RBFOX1: variants seen among roughly 807,000 people sequenced by gnomAD.
RBFOX1 encodes the protein RNA binding protein fox-1 homolog 1.
Under a neutral mutation model 57.7 loss-of-function variants are expected in RBFOX1, and 8 were observed. The observed-to-expected ratio is 0.14, with a 90% CI of 0.08 to 0.25. The LOEUF is 0.25. Among genes scored for constraint, RBFOX1 ranks in the 10% least tolerant of loss-of-function variants. The pLI is 1.00. For missense variants in RBFOX1, 611 were observed against 548.5 expected, an observed-to-expected ratio of 1.11 and a Z score of -1.14; for synonymous variants, 326 against 222.4, an observed-to-expected ratio of 1.47 and a Z score of -4.15.
intron 14 of RBFOX1, among the ~76,000 whole-genome samples, chr16:7,685,400 C>G (rs775731690): frequency 6.6e-6 from 1 of 152,084 alleles, no homozygotes; most frequent in East Asian, 1.9e-4. Context: ...CCAAAAGATC[C>G]GTGGACGGAA....
At chr16:7,506,184 C>CAAAAAAAAAAAAAAAAAAAAAAA (rs552568132) in intron 4 of RBFOX1, among the ~76,000 whole-genome samples, 1 of 49,944 alleles carries the variant, frequency 2.0e-5, no homozygotes, top group Non-Finnish European at 3.4e-5. Context: ...GACTCTGTCT[C>CAAAAAAAAAAAAAAAAAAAAAAA]AAAAAAAAAA....
At chr16:6,767,941 T>G (rs202198377) in intron 3 of RBFOX1, among the ~76,000 whole-genome samples, 8,050 of 83,554 alleles carry the variant, frequency 0.096, 283 homozygotes, top group African/African-American at 0.22. Context: ...ATAATAATAA[T>G]AATAATAAGA....
chr16:6,233,176 G>A (rs2097478621), intron 1 of RBFOX1, among the ~76,000 whole-genome samples: 1 of 152,146 alleles, frequency 6.6e-6, no homozygotes, highest in African/African-American at 2.4e-5. Flanking sequence ...ATTGTGATTG[G>A]GTTTGGAATT....
chr16:7,539,229 A>G (rs1507025), intron 5 of RBFOX1, among the ~76,000 whole-genome samples: 46,503 of 151,988 alleles, frequency 0.31, 9,274 homozygotes, highest in East Asian at 0.58. Flanking sequence ...GAGAAGATTA[A>G]GGAGGGAGGG....
At chr16:6,327,200 C>G (rs2152800770) in intron 2 of RBFOX1, among the ~76,000 whole-genome samples, 1 of 152,238 alleles carries the variant, frequency 6.6e-6, no homozygotes, top group African/African-American at 2.4e-5. Context: ...ATTATTTCTT[C>G]CCTGAAGCTG....
chr16:6,563,080 C>G (rs1433246766), intron 2 of RBFOX1, among the ~76,000 whole-genome samples: 1 of 151,914 alleles, frequency 6.6e-6, no homozygotes, highest in Admixed American at 6.6e-5. Context: ...ATGGAGTATA[C>G]TCACTTCTTC....
intron 3 of RBFOX1, among the ~76,000 whole-genome samples, chr16:6,766,168 T>G (rs1040144415): frequency 1.3e-5 from 2 of 151,936 alleles, no homozygotes; most frequent in African/African-American, 4.8e-5. Context: ...AAAGCAAAAT[T>G]TTAGATATGG....
At chr16:5,346,925 C>T (rs1364126464) in intron 1 of RBFOX1, among the ~76,000 whole-genome samples, 2 of 152,132 alleles carry the variant, frequency 1.3e-5, no homozygotes, top group African/African-American at 4.8e-5. Flanking sequence ...TGGACCCTGG[C>T]TTGTGGTAAG....
intron 1 of RBFOX1, among the ~76,000 whole-genome samples, chr16:6,229,904 T>A (rs1353023235): frequency 6.6e-6 from 1 of 152,074 alleles, no homozygotes; most frequent in Non-Finnish European, 1.5e-5. Flanking sequence ...AGAATATTAT[T>A]TGTCCTCGCG....
chr16:7,171,181 G>A (rs976782257), intron 4 of RBFOX1, among the ~76,000 whole-genome samples: 6 of 152,194 alleles, frequency 3.9e-5, no homozygotes, highest in African/African-American at 7.2e-5. Flanking sequence ...GCGAGGAGCT[G>A]CACAAATCAC....
At chr16:6,692,550 T>C (rs1210522678) in intron 3 of RBFOX1, among the ~76,000 whole-genome samples, 1 of 152,170 alleles carries the variant, frequency 6.6e-6, no homozygotes, top group Non-Finnish European at 1.5e-5. Context: ...TTACTTCCAC[T>C]TAAGTTGTTG....
At chr16:7,112,623 A>C (rs909697640) in intron 4 of RBFOX1, among the ~76,000 whole-genome samples, 3 of 151,228 alleles carry the variant, frequency 2.0e-5, no homozygotes, top group African/African-American at 7.3e-5. Context: ...CTGAGGCTGA[A>C]AATTTAAGGT....
rs111917446 is a variant in RBFOX1, at chr16:7,082,089, G to C, written c.27+29991G>C. 2.6e-3 allele frequency among the ~76,000 whole-genome samples: 396 copies of C among 152,224 alleles called. 2 individuals are homozygous for C. Among genetic ancestry groups the C allele is most frequent in the African/African-American group, 9.3e-3 (387 of 41,536 alleles). On this transcript the variant is annotated intron_variant, in intron 4 of 15. Transcript: ENST00000550418. Reference sequence around the variant, plus strand: ...CGGTGGTAACCACCCCAATTTGCAGGATCTGGGAGAACCACTCTGGAGATC... The same window carrying C: ...CGGTGGTAACCACCCCAATTTGCAGCATCTGGGAGAACCACTCTGGAGATC...
Position 7,157,354 on chromosome 16 carries a change from C to T in RBFOX1, c.27+105256C>T, listed in dbSNP as rs531684806. On this transcript the variant is annotated intron_variant, in intron 4 of 15. Coordinates refer to ENST00000550418, the MANE Select transcript of RBFOX1 (RefSeq NM_018723.4). ...ACATGTGTAATATGAGATACCATTT[C>T]AATTTGGCAATAAATGTATGGTAAA... 7.2e-5 allele frequency among the ~76,000 whole-genome samples: 11 copies of T among 151,888 alleles called. No homozygotes were observed. The East Asian group carries it at 1.5e-3, about 21-fold the overall frequency.
chr16:5,789,157 C>G (rs1007278324), intron 3 of RBFOX1, among the ~76,000 whole-genome samples: 27 of 152,198 alleles, frequency 1.8e-4, no homozygotes, highest in African/African-American at 6.0e-4. Context: ...TCATCAAAAT[C>G]TCTAATTAAA....
intron 3 of RBFOX1, among the ~76,000 whole-genome samples, chr16:6,981,890 C>T (rs967689824): frequency 6.6e-6 from 1 of 152,178 alleles, no homozygotes; most frequent in African/African-American, 2.4e-5. Context: ...CACATCTTGG[C>T]TATTGTGAAT....
At chr16:7,322,816 T>C (rs1197245636) in intron 4 of RBFOX1, among the ~76,000 whole-genome samples, 1 of 152,158 alleles carries the variant, frequency 6.6e-6, no homozygotes, top group African/African-American at 2.4e-5. Flanking sequence ...TAATAATCTC[T>C]TTATCTGTCC....
At chr16:7,292,098 A>T (rs140724392) in intron 4 of RBFOX1, among the ~76,000 whole-genome samples, 3,249 of 79,344 alleles carry the variant, frequency 0.041, 95 homozygotes, top group East Asian at 0.2. Context: ...AATATATAAT[A>T]TATCATGTAT....
At chr16:7,250,308 G>T (rs1341722440) in intron 4 of RBFOX1, among the ~76,000 whole-genome samples, 4 of 152,174 alleles carry the variant, frequency 2.6e-5, no homozygotes, top group African/African-American at 9.7e-5. Flanking sequence ...TGCTGTTCCT[G>T]GGAGCGTGGG....
Sources: gnomAD v4.1 joint callset for allele counts (sites outside exome capture counted in the v4.1 genomes callset) on GRCh38, gnomAD v4.1.1 for gene constraint, MANE v1.5 for transcripts, NCBI Gene and HGNC (gene_info 2026-07-23, HGNC 2026-07-21) for gene names.